ZMYM2: variants seen among roughly 807,000 people sequenced by gnomAD.
ZMYM2 encodes the protein zinc finger MYM-type containing 2.
In ZMYM2, 56 loss-of-function variants were observed where a neutral mutation model predicts 162.8. That is an observed-to-expected ratio of 0.34 (90% CI 0.28 to 0.43). The LOEUF (loss-of-function observed/expected upper bound fraction) is 0.43, where lower values mean the gene tolerates loss of function less well. Among genes scored for constraint, ZMYM2 ranks in the 20% least tolerant of loss-of-function variants. The pLI is 1.00. For synonymous variants in ZMYM2, 510 were observed against 541.6 expected (o/e 0.94, Z 0.81); for missense variants, 1,275 against 1,621.8 (o/e 0.79, Z 3.67).
At chr13:19,907,968 A>G in the ZMYM2 span, among the ~76,000 whole-genome samples, 26 of 152,086 alleles carry the variant, frequency 1.7e-4, 1 homozygote, top group Non-Finnish European at 7.4e-5. Flanking sequence ...TACAGAAAAC[A>G]GGACATTTTG....
intron 12 of ZMYM2, among the ~76,000 whole-genome samples, chr13:20,039,876 A>G (rs181809155): frequency 3.3e-5 from 5 of 152,264 alleles, no homozygotes; most frequent in Admixed American, 1.3e-4. Flanking sequence ...TGTTTATGTG[A>G]TGAATCACAT....
the ZMYM2 span, among the ~76,000 whole-genome samples, chr13:19,913,024 C>G: frequency 0.011 from 1,722 of 152,210 alleles, 30 homozygotes; most frequent in African/African-American, 0.033. Context: ...TATTGAGTGG[C>G]ACCTAGAGCA....
chr13:19,915,468 G>A, the ZMYM2 span, among the ~76,000 whole-genome samples: 1 of 147,340 alleles, frequency 6.8e-6, no homozygotes, highest in African/African-American at 2.6e-5. Flanking sequence ...TTACTTTCAT[G>A]ATGTTGGTAT....
At chr13:19,990,879 C>A (rs1033817278) in intron 2 of ZMYM2, among the ~76,000 whole-genome samples, 1 of 152,176 alleles carries the variant, frequency 6.6e-6, no homozygotes, top group Non-Finnish European at 1.5e-5. Flanking sequence ...ATAGTCTATA[C>A]TTGCCCTTCA....
intron 4 of ZMYM2, among the ~76,000 whole-genome samples, chr13:20,004,820 GA>G (rs1161322901): frequency 1.3e-5 from 2 of 151,850 alleles, no homozygotes; most frequent in Non-Finnish European, 2.9e-5. Flanking sequence ...CCCAATATTT[GA>G]AATCCTTTTT....
At chr13:20,002,752 T>C (rs1950488657) in intron 3 of ZMYM2, 98 bp from the exon 4 acceptor site, 1 of 1,445,122 alleles carries the variant, frequency 6.9e-7, no homozygotes. Context: ...ATCTTAAAAT[T>C]GTACAAAATG....
intron 1 of ZMYM2, among the ~76,000 whole-genome samples, chr13:19,959,498 G>A (rs528063867): frequency 1.3e-4 from 20 of 152,240 alleles, no homozygotes; most frequent in Admixed American, 3.3e-4. Flanking sequence ...CCGACTGCAG[G>A]GGGGGGCAAA....
At chr13:20,061,451 C>G (rs1246586894) in intron 17 of ZMYM2, among the ~76,000 whole-genome samples, 1 of 152,168 alleles carries the variant, frequency 6.6e-6, no homozygotes, top group African/African-American at 2.4e-5. Flanking sequence ...CTGTTTTAAG[C>G]AGGATTTGAC....
intron 16 of ZMYM2, among the ~76,000 whole-genome samples, chr13:20,059,850 A>G (rs1417756429): frequency 1.3e-5 from 2 of 152,100 alleles, no homozygotes; most frequent in African/African-American, 4.8e-5. Context: ...CCTGGGCAAC[A>G]TGGTGACACC....
chr13:19,958,633 C>G (rs1230982707), upstream of ZMYM2: 1 of 152,214 alleles, frequency 6.6e-6, no homozygotes, highest in East Asian at 1.9e-4. Flanking sequence ...ATGGGCGTGC[C>G]CGAAGCGCTC....
chr13:19,982,130 C>T (rs761683607), intron 2 of ZMYM2, among the ~76,000 whole-genome samples: 13 of 152,150 alleles, frequency 8.5e-5, no homozygotes, highest in Non-Finnish European at 1.3e-4. Context: ...AAATAAAGAG[C>T]TTGCACCTGA....
At chr13:20,075,733 G>T (rs1404148632) in intron 21 of ZMYM2, among the ~76,000 whole-genome samples, 1 of 132,764 alleles carries the variant, frequency 7.5e-6, no homozygotes, top group Non-Finnish European at 1.5e-5. Context: ...CCAGGCTGGA[G>T]TGCAGTGGCG....
chr13:19,987,655 G>GTGTGTGTA (rs933131296), intron 2 of ZMYM2, among the ~76,000 whole-genome samples: 6 of 147,416 alleles, frequency 4.1e-5, no homozygotes, highest in African/African-American at 7.6e-5. Flanking sequence ...GTGTGTGTGT[G>GTGTGTGTA]TGTATAGGAA....
At chr13:19,864,056 C>G in the ZMYM2 span, 2 of 152,484 alleles carry the variant, frequency 1.3e-5, no homozygotes, top group Non-Finnish European at 2.9e-5. Context: ...CCCGGGGGCC[C>G]AAGCTGCGGC....
rs371024048 is a variant in ZMYM2, at chr13:20,067,262, G to T, written c.3325G>T (p.Asp1109Tyr). Residue 1109 changes from aspartate (D) to tyrosine (Y), a missense_variant, in exon 21 of 25, where the codon GAT becomes TAT. Around this residue, in one of 10 missense-constraint regions of ZMYM2, gnomAD observed 229 missense variants for 283.8 expected, o/e 0.81. Transcript: ENST00000610343. ...AGCTAAATCAGTAAAGTTAAAAGAGGATCTACTCTCTCACACCACAGCTGA... is the reference window on the plus strand; with the variant it reads ...AGCTAAATCAGTAAAGTTAAAAGAGTATCTACTCTCTCACACCACAGCTGA... ...KSSKSVKLKE[D>Y]LLSHTTAELN... The T allele has an allele frequency of 6.4e-7, 1 of 1,563,678 alleles. No homozygotes were observed. The highest frequency in any genetic ancestry group is 8.7e-7 in the Non-Finnish European group (1 of 1,153,410).
intron 2 of ZMYM2, chr13:19,965,108 C>T (rs1955624216): frequency 4.8e-6 from 2 of 420,884 alleles, no homozygotes; most frequent in South Asian, 3.1e-5. Flanking sequence ...AAGAAAAATA[C>T]TTACATAGCT....
chr13:20,020,517 C>T (rs1361753302), intron 7 of ZMYM2, among the ~76,000 whole-genome samples: 1 of 152,210 alleles, frequency 6.6e-6, no homozygotes, highest in African/African-American at 2.4e-5. Flanking sequence ...AGCCACCGCG[C>T]CCGGCCCATT....
chr13:19,920,788 G>A, the ZMYM2 span, among the ~76,000 whole-genome samples: 80 of 151,826 alleles, frequency 5.3e-4, no homozygotes, highest in Non-Finnish European at 9.6e-4. Flanking sequence ...TTTTGAGACT[G>A]TGTCTCGCTC....
intron 14 of ZMYM2, among the ~76,000 whole-genome samples, chr13:20,055,319 AGT>A (rs1189984236): frequency 2.0e-5 from 3 of 152,192 alleles, no homozygotes; most frequent in Non-Finnish European, 2.9e-5. Flanking sequence ...AGATGTGCAG[AGT>A]GGTGAAAAAT....
Sources: allele counts gnomAD v4.1 joint callset (sites outside exome capture counted in the v4.1 genomes callset), GRCh38; gene constraint gnomAD v4.1.1; regional missense constraint gnomAD v4.1.1; transcripts MANE v1.5; gene names NCBI Gene and HGNC (gene_info 2026-07-23, HGNC 2026-07-21).